Variants in PLCL2 observed in about 807,000 individuals in gnomAD.
PLCL2 encodes inactive phospholipase C-like protein 2.
PLCL2 carries 4 observed loss-of-function variants against 79.6 expected under a neutral mutation model. The ratio of observed to expected loss-of-function variants is 0.05; its 90% CI spans 0.02 to 0.11. The LOEUF is 0.11. Ranked by LOEUF, PLCL2 falls within the 10% of genes least tolerant of loss-of-function variation. PLCL2 has a pLI of 1.00. For missense variants in PLCL2, 895 were observed against 1,291.0 expected (o/e 0.69, Z 4.70); for synonymous variants, 484 against 457.7 (o/e 1.06, Z -0.73).
At chr3:17,054,341 G>C (rs1385391351) in intron 4 of PLCL2, among the ~76,000 whole-genome samples, 1 of 151,976 alleles carries the variant, frequency 6.6e-6, no homozygotes, top group African/African-American at 2.4e-5. Flanking sequence ...TCAGTATTTT[G>C]GTCACAACAA....
chr3:16,967,027 G>A (rs1007192087), intron 1 of PLCL2, among the ~76,000 whole-genome samples: 5 of 151,936 alleles, frequency 3.3e-5, no homozygotes, highest in Admixed American at 3.3e-4. Context: ...TGCAGTATTT[G>A]GTTTTCCTGC....
intron 5 of PLCL2, among the ~76,000 whole-genome samples, chr3:17,083,096 T>C (rs1020111334): frequency 9.9e-5 from 15 of 151,976 alleles, no homozygotes; most frequent in Admixed American, 7.2e-4. Context: ...TTACATTTAG[T>C]GGAAGAGACA....
chr3:16,962,922 A>G lies in PLCL2; in HGVS notation c.328-46752A>G, dbSNP rs574797273. On this transcript the variant is annotated intron_variant, in intron 1 of 5. Transcript: ENST00000615277. The stretch of plus-strand genomic sequence containing the variant: ...TGAATACATAAACACACTTGCAAGT[A>G]CTTGAACCAATATATCTTTTCAAAC... Among the ~76,000 whole-genome samples, 13 of 152,282 alleles carry G rather than the reference A, an allele frequency of 8.5e-5. No individual in the cohort carries two copies. The South Asian group carries it at 2.7e-3, about 32-fold the overall frequency.
chr3:17,036,039 C>A (rs947369632), intron 3 of PLCL2, among the ~76,000 whole-genome samples: 1 of 152,116 alleles, frequency 6.6e-6, no homozygotes, highest in Admixed American at 6.6e-5. Flanking sequence ...AAACCTAGGA[C>A]AAGTTACTCT....
At chr3:16,943,190 C>G (rs532502375) in intron 1 of PLCL2, among the ~76,000 whole-genome samples, 1 of 152,198 alleles carries the variant, frequency 6.6e-6, no homozygotes, top group East Asian at 1.9e-4. Context: ...ATTAAAAACA[C>G]TACTGAATAA....
chr3:17,006,195 A>G (rs1057109783), intron 1 of PLCL2, among the ~76,000 whole-genome samples: 2 of 152,256 alleles, frequency 1.3e-5, no homozygotes, highest in African/African-American at 2.4e-5. Flanking sequence ...GCTTCTGACC[A>G]GCTACTTAGC....
intron 3 of PLCL2, among the ~76,000 whole-genome samples, chr3:17,024,838 T>C (rs558027232): frequency 2.3e-4 from 35 of 152,334 alleles, no homozygotes; most frequent in Non-Finnish European, 5.0e-4. Flanking sequence ...TCCTTGATCC[T>C]TCAATCTGTG....
At chr3:16,914,967 A>G (rs1269141607) in intron 1 of PLCL2, among the ~76,000 whole-genome samples, 2 of 152,130 alleles carry the variant, frequency 1.3e-5, no homozygotes, top group Non-Finnish European at 2.9e-5. Context: ...CCTATCCTCA[A>G]GTGATCCTTC....
chr3:17,072,025 C>G (rs1359051035), intron 5 of PLCL2, among the ~76,000 whole-genome samples: 1 of 152,134 alleles, frequency 6.6e-6, no homozygotes, highest in Non-Finnish European at 1.5e-5. Context: ...CAGGGTTTCA[C>G]TATCTTGGCC....
chr3:17,005,112 A>G (rs1408587663), intron 1 of PLCL2, among the ~76,000 whole-genome samples: 6 of 152,128 alleles, frequency 3.9e-5, no homozygotes, highest in Non-Finnish European at 7.4e-5. Flanking sequence ...TTGAGGAATA[A>G]TCAAACAGAA....
In PLCL2 at chr3:17,011,641, C is replaced by G; in HGVS notation, c.2295C>G (p.Asn765Lys). The change falls in exon 2 of 6, where the codon AAC becomes AAG. Residue 765 changes from asparagine (N) to lysine (K), a missense_variant. Around this residue, in one of 6 missense-constraint regions of PLCL2, gnomAD observed 298 missense variants for 459.6 expected, o/e 0.65. Coordinates refer to ENST00000615277, the MANE Select transcript of PLCL2 (RefSeq NM_001144382.2). This position sits in a 1 kb window ranked among gnomAD's most constrained non-coding sequence, Gnocchi z 7.9. ...LLHIKIISGQ[N>K]FPKPKGSGAK... ...ACATTAAAATCATCAGTGGGCAGAA[C>G]TTTCCCAAGCCCAAAGGATCAGGTG... 6.2e-7 allele frequency: 1 copy of G among 1,614,134 alleles called. No individual in the cohort carries two copies. Among genetic ancestry groups the G allele is most frequent in the Non-Finnish European group, 8.5e-7 (1 of 1,180,028 alleles).
chr3:17,020,158 G>T (rs1237860199), intron 3 of PLCL2, among the ~76,000 whole-genome samples: 1 of 152,132 alleles, frequency 6.6e-6, no homozygotes, highest in Non-Finnish European at 1.5e-5. Flanking sequence ...AAACTTGAAT[G>T]TTTAAAATTG....
intron 1 of PLCL2, among the ~76,000 whole-genome samples, chr3:16,972,975 CATTTACATCCAAG>C (rs2063888718): frequency 6.6e-6 from 1 of 152,244 alleles, no homozygotes; most frequent in South Asian, 2.1e-4. Context: ...ACACTTATCC[CATTTACATCCAAG>C]ATTAATATTG....
chr3:16,911,178 G>T, intron 1 of PLCL2, among the ~76,000 whole-genome samples: 1 of 151,298 alleles, frequency 6.6e-6, no homozygotes. Context: ...ACTTGAACCC[G>T]GGGGGCGGAG....
Position 17,010,561 on chromosome 3 carries a change from C to A in PLCL2, c.1215C>A (p.Phe405Leu). ...QEKGWLSIDG[F>L]TNYLMSPDCY... ...AGGGCTGGCTCTCCATAGACGGGTT[C>A]ACTAATTACCTTATGTCACCTGACT... The change falls in exon 2 of 6, where the codon TTC (phenylalanine) becomes TTA (leucine). Residue 405 changes from phenylalanine (F) to leucine (L), a missense_variant. By Grantham distance (22) the Phe-to-Leu change is conservative. Coordinates refer to ENST00000615277, the MANE Select transcript of PLCL2 (RefSeq NM_001144382.2). This position sits in a 1 kb window ranked among gnomAD's most constrained non-coding sequence, Gnocchi z 5.8. The A allele has an allele frequency of 6.2e-7, 1 of 1,614,122 alleles. No homozygotes were observed. The highest frequency in any genetic ancestry group is 1.1e-5 in the South Asian group (1 of 91,058).
intron 1 of PLCL2, among the ~76,000 whole-genome samples, chr3:16,922,092 T>G (rs1348466493): frequency 6.6e-6 from 1 of 152,194 alleles, no homozygotes; most frequent in South Asian, 2.1e-4. Flanking sequence ...TTAATAGTTA[T>G]GAACTTTTAA....
At chr3:16,923,504 G>T (rs1038595657) in intron 1 of PLCL2, among the ~76,000 whole-genome samples, 2 of 152,140 alleles carry the variant, frequency 1.3e-5, no homozygotes, top group African/African-American at 4.8e-5. Flanking sequence ...ACCTCTCAAT[G>T]GACTTTTATT....
At chr3:16,939,563 T>A (rs572364380) in intron 1 of PLCL2, among the ~76,000 whole-genome samples, 5 of 152,326 alleles carry the variant, frequency 3.3e-5, no homozygotes, top group African/African-American at 1.2e-4. Flanking sequence ...CATAAATAAA[T>A]GTGAAAACTA....
intron 5 of PLCL2, among the ~76,000 whole-genome samples, chr3:17,079,880 A>T (rs2065144727): frequency 6.6e-6 from 1 of 152,194 alleles, no homozygotes; most frequent in South Asian, 2.1e-4. Flanking sequence ...GGAAAGTCAG[A>T]TCCATGCAGC....
Sources: allele counts gnomAD v4.1 joint callset (sites outside exome capture counted in the v4.1 genomes callset), GRCh38; gene constraint gnomAD v4.1.1; regional missense constraint gnomAD v4.1.1; non-coding constraint Gnocchi (gnomAD v3.1); transcripts MANE v1.5; gene names NCBI Gene and HGNC (gene_info 2026-07-23, HGNC 2026-07-21).